ZNF484: variants seen among roughly 807,000 people sequenced by gnomAD.
The protein encoded by ZNF484 is zinc finger protein 484, also known as KRAB box containing C2H2 type zinc finger bA526D8.4.
Under a neutral mutation model 12.9 loss-of-function variants are expected in ZNF484, and 11 were observed. The ratio of observed to expected loss-of-function variants is 0.85; its 90% confidence interval spans 0.54 to 1.41. ZNF484 has a LOEUF of 1.41. ZNF484 is among the 40% of genes most tolerant of loss of function. ZNF484 has a pLI of 0.00. For synonymous variants in ZNF484, 289 were observed against 334.1 expected, an observed-to-expected ratio of 0.86 and a Z score of 1.47; for missense variants, 807 against 1,007.7, an observed-to-expected ratio of 0.80 and a Z score of 2.70.
Position 92,847,359 on chromosome 9 carries a change from G to A in ZNF484, c.1428C>T (p.Val476=), listed in dbSNP as rs1855715892. 7.4e-6 allele frequency: 12 copies of A among 1,613,554 alleles called. No homozygotes were observed. The highest frequency in any genetic ancestry group is 1.0e-5 in the Non-Finnish European group (12 of 1,179,902). ...NPFICSECGK[V]FTHKTNLIIH... ...TAATGAGATTTGTCTTGTGAGTGAAGACCTTCCCACATTCTGAACATATAA... is the reference window on the plus strand; with the variant it reads ...TAATGAGATTTGTCTTGTGAGTGAAAACCTTCCCACATTCTGAACATATAA... The change falls in exon 5 of 5, where the codon GTC becomes GTT. Residue 476 remains valine (V), a synonymous_variant. Transcript: ENST00000375495.
chr9:92,858,423 A>G (rs982165444), intron 2 of ZNF484, among the ~76,000 whole-genome samples: 1 of 152,200 alleles, frequency 6.6e-6, no homozygotes, highest in African/African-American at 2.4e-5. Flanking sequence ...AGAGTCTGAG[A>G]AGTTAAAGAG....
In ZNF484 at chr9:92,873,841, CAGAA is replaced by C. The variant is rs558851551; in HGVS notation, c.15+1170_15+1173del. On this transcript the variant is annotated intron_variant, in intron 2 of 4. Transcript: ENST00000375495. The stretch of plus-strand genomic sequence containing the variant: ...CCAGAAATAGTACCAAAAGAAAAAA[CAGAA>C]AGAGAGACAGAAAGAAAAAAAAAAG... Among the ~76,000 whole-genome samples the C allele has an allele frequency of 1.4e-4, 21 of 150,672 alleles. No homozygotes were observed. The East Asian group carries it at 2.1e-3, about 15-fold the overall frequency.
chr9:92,863,079 T>C (rs1454056393), intron 2 of ZNF484, among the ~76,000 whole-genome samples: 1 of 152,100 alleles, frequency 6.6e-6, no homozygotes, highest in Non-Finnish European at 1.5e-5. Flanking sequence ...TGGAATACTA[T>C]GCAGCCATAA....
At chr9:92,877,451 A>G (rs1857889748) in intron 1 of ZNF484, among the ~76,000 whole-genome samples, 1 of 152,196 alleles carries the variant, frequency 6.6e-6, no homozygotes, top group Admixed American at 6.5e-5. Context: ...CAAAATGGAA[A>G]TGGAAACATG....
intron 2 of ZNF484, among the ~76,000 whole-genome samples, chr9:92,871,808 G>T (rs1199628990): frequency 6.6e-6 from 1 of 152,208 alleles, no homozygotes; most frequent in Non-Finnish European, 1.5e-5. Context: ...ATGTTAGGTT[G>T]CATGGCAAAA....
chr9:92,863,993 G>C (rs956626033), intron 2 of ZNF484, among the ~76,000 whole-genome samples: 4 of 152,208 alleles, frequency 2.6e-5, no homozygotes, highest in African/African-American at 9.7e-5. Context: ...ATCGGACAGA[G>C]CCAGGAGAGA....
chr9:92,863,474 T>C (rs1856896579), intron 2 of ZNF484, among the ~76,000 whole-genome samples: 1 of 152,120 alleles, frequency 6.6e-6, no homozygotes, highest in South Asian at 2.1e-4. Flanking sequence ...TACATTTGAA[T>C]GAGCAAGAGT....
Position 92,847,352 on chromosome 9 carries a change from G to C in ZNF484, c.1435C>G (p.His479Asp). Residue 479 changes from histidine (H) to aspartate (D), a missense_variant, in exon 5 of 5, where the codon CAC (histidine) becomes GAC (aspartate). His to Asp is a moderately conservative substitution (Grantham distance 81, BLOSUM62 -1). Transcript: ENST00000375495. ...ICSECGKVFTHKTNLIIHQKI... is the reference protein window; with the variant it reads ...ICSECGKVFTDKTNLIIHQKI... The stretch of plus-strand genomic sequence containing the variant: ...TGGTGTATAATGAGATTTGTCTTGT[G>C]AGTGAAGACCTTCCCACATTCTGAA... 6.2e-7 allele frequency: 1 copy of C among 1,613,690 alleles called. No individual in the cohort carries two copies.
At chr9:92,865,782 G>A (rs1033540360) in intron 2 of ZNF484, among the ~76,000 whole-genome samples, 1 of 152,200 alleles carries the variant, frequency 6.6e-6, no homozygotes, top group South Asian at 2.1e-4. Context: ...GGTGGCATGC[G>A]TCTATAGTCC....
At position 92,847,144 on chromosome 9, in the gene ZNF484, C is replaced by T. The variant is rs1490266798; in HGVS notation, c.1643G>A (p.Gly548Glu). 4 of 1,613,970 alleles carry T rather than the reference C, an allele frequency of 2.5e-6. No individual in the cohort carries two copies. In the Admixed American group the frequency reaches 5.0e-5, roughly 20 times the overall value. The part of the protein sequence containing the change: ...RLRIHQKCHT[G>E]ERHYECSECG... Reference sequence around the variant, plus strand: ...TTCACTGCATTCATAATGTCTCTCTCCAGTATGACACTTCTGATGTATCCT... The same window carrying T: ...TTCACTGCATTCATAATGTCTCTCTTCAGTATGACACTTCTGATGTATCCT... The change falls in exon 5 of 5, where the codon GGA becomes GAA. Residue 548 changes from glycine (G) to glutamate (E), a missense_variant. Coordinates refer to ENST00000375495, the MANE Select transcript of ZNF484 (RefSeq NM_031486.4).
intron 2 of ZNF484, among the ~76,000 whole-genome samples, chr9:92,858,776 G>A (rs969989133): frequency 6.6e-6 from 1 of 151,908 alleles, no homozygotes; most frequent in African/African-American, 2.4e-5. Context: ...AAATTAAAGA[G>A]TAAAAAAATT....
At chr9:92,863,201 G>A (rs962398487) in intron 2 of ZNF484, among the ~76,000 whole-genome samples, 4 of 147,552 alleles carry the variant, frequency 2.7e-5, no homozygotes, top group African/African-American at 1.0e-4. Context: ...TTACTTATAA[G>A]TGGGAGCTGA....
intron 4 of ZNF484, among the ~76,000 whole-genome samples, chr9:92,850,422 G>T (rs1855995924): frequency 6.6e-6 from 1 of 152,166 alleles, no homozygotes; most frequent in Non-Finnish European, 1.5e-5. Context: ...ATGATCCACT[G>T]TGCCCTAAAT....
intron 3 of ZNF484, 110 bp downstream of exon 3, chr9:92,856,082 T>A: frequency 1.3e-6 from 2 of 1,486,084 alleles, no homozygotes; most frequent in Non-Finnish European, 1.8e-6. Context: ...TCCTGCAGTC[T>A]TTAGAAGTCC....
chr9:92,874,875 G>A (rs1278972187), intron 2 of ZNF484, 140 bp downstream of exon 2: 2 of 798,254 alleles, frequency 2.5e-6, no homozygotes, highest in Non-Finnish European at 3.9e-6. Context: ...GGGGCTGACA[G>A]TCTCTTCTTC....
chr9:92,847,764 T>C lies in ZNF484; in HGVS notation c.1023A>G (p.Ser341=), dbSNP rs2131589295. The change falls in exon 5 of 5, where the codon TCA becomes TCG. Residue 341 remains serine (S), a synonymous_variant. Coordinates refer to ENST00000375495, the MANE Select transcript of ZNF484 (RefSeq NM_031486.4). ...GAATTCTCTGGCATCTGAACAGATC[T>C]GACTTCTGGATAAAGGCTCTTCCAT... ...SDYGRAFIQK[S]DLFRCQRIHS... is the part of the protein sequence containing the mutation. 1 of 1,613,994 alleles carries C rather than the reference T, an allele frequency of 6.2e-7. No individual in the cohort carries two copies. The highest frequency in any genetic ancestry group is 1.1e-5 in the South Asian group (1 of 91,084).
At chr9:92,860,887 AG>A (rs959696749) in intron 2 of ZNF484, among the ~76,000 whole-genome samples, 1 of 152,164 alleles carries the variant, frequency 6.6e-6, no homozygotes, top group African/African-American at 2.4e-5. Flanking sequence ...TAGAGAGTGG[AG>A]GATGGATTAT....
intron 4 of ZNF484, among the ~76,000 whole-genome samples, chr9:92,853,883 A>G (rs1261920011): frequency 1.3e-5 from 2 of 152,114 alleles, no homozygotes; most frequent in African/African-American, 4.8e-5. Context: ...GACACACACA[A>G]TAAGAGGGTG....
intron 2 of ZNF484, among the ~76,000 whole-genome samples, chr9:92,856,862 C>T (rs1458393175): frequency 6.6e-6 from 1 of 152,212 alleles, no homozygotes; most frequent in Non-Finnish European, 1.5e-5. Context: ...GCTGGGACTA[C>T]AGGCGCCCGC....
Sources: gnomAD v4.1 joint callset for allele counts (sites outside exome capture counted in the v4.1 genomes callset) on GRCh38, gnomAD v4.1.1 for gene constraint, MANE v1.5 for transcripts, NCBI Gene and HGNC (gene_info 2026-07-23, HGNC 2026-07-21) for gene names.